Variants in XPOT observed in about 807,000 individuals in gnomAD.
XPOT encodes the protein exportin-T.
In XPOT, 34 loss-of-function variants were observed where a neutral mutation model predicts 128.2. The observed-to-expected ratio is 0.27, with a 90% confidence interval of 0.20 to 0.35. XPOT has a LOEUF of 0.35. XPOT is among the 10% of genes least tolerant of loss of function. The pLI is 1.00. For synonymous variants in XPOT, 348 were observed against 394.3 expected (o/e 0.88, Z 1.39); for missense variants, 838 against 1,125.3 (o/e 0.74, Z 3.65).
Position 64,445,147 on chromosome 12 carries a change from G to T in XPOT, c.2862+16G>T. 6.3e-7 allele frequency: 1 copy of T among 1,587,762 alleles called. No homozygotes were observed. Among genetic ancestry groups the T allele is most frequent in the Non-Finnish European group, 8.6e-7 (1 of 1,160,998 alleles). ...TTACTTAAAGGTAGGTATTTGTGAA[G>T]CTCACGTATCTTCATACAATTAGGT... On this transcript the variant is annotated intron_variant, in intron 24 of 24. Transcript: ENST00000332707.
chr12:64,425,396 A>G lies in XPOT; in HGVS notation c.1511A>G (p.Glu504Gly). Residue 504 changes from glutamate (E) to glycine (G), a missense_variant, in exon 14 of 25, where the codon GAA becomes GGA. Glu to Gly is a moderately conservative substitution (Grantham distance 98, BLOSUM62 -2). Around this residue, in one of 3 missense-constraint regions of XPOT, gnomAD observed 761 missense variants for 988.3 expected, o/e 0.77. Coordinates refer to ENST00000332707, the MANE Select transcript of XPOT (RefSeq NM_007235.6). ...QHTSVTLEFF[E>G]TVVRYEKFFT... is the part of the protein sequence containing the mutation. ...ACATCTGTGACATTGGAGTTCTTCG[A>G]AACTGTTGTTAGATATGAAAAGTTT... The G allele has an allele frequency of 3.7e-6, 6 of 1,613,736 alleles. No homozygotes were observed. Among genetic ancestry groups the G allele is most frequent in the Non-Finnish European group, 5.1e-6 (6 of 1,179,986 alleles).
chr12:64,422,312 T>C (rs2040145711), intron 9 of XPOT, among the ~76,000 whole-genome samples: 1 of 152,232 alleles, frequency 6.6e-6, no homozygotes, highest in Admixed American at 6.5e-5. Context: ...TTAGTTTCTG[T>C]TTTATTGTAG....
chr12:64,438,697 G>A lies in XPOT; in HGVS notation c.2734-547G>A, dbSNP rs576617108. Among the ~76,000 whole-genome samples, 27 of 150,870 alleles carry A rather than the reference G, an allele frequency of 1.8e-4. No individual in the cohort carries two copies. The East Asian group carries it at 2.3e-3, about 13-fold the overall frequency. On this transcript the variant is annotated intron_variant, in intron 22 of 24. Coordinates refer to ENST00000332707, the MANE Select transcript of XPOT (RefSeq NM_007235.6). ...GGCTGGAGTGCACTGGCATAATCTC[G>A]GCTCACTGCAGCCTGCGCCTGCCAG...
chr12:64,441,148 T>C (rs768268233), intron 23 of XPOT, among the ~76,000 whole-genome samples: 2 of 152,238 alleles, frequency 1.3e-5, no homozygotes, highest in African/African-American at 2.4e-5. Context: ...CACGTAGATA[T>C]CCAGTTTTAC....
chr12:64,407,073 TG>T, intron 1 of XPOT, among the ~76,000 whole-genome samples: 1 of 152,310 alleles, frequency 6.6e-6, no homozygotes, highest in South Asian at 2.1e-4. Flanking sequence ...GTTGTCCAAG[TG>T]GCCCCAATTA....
intron 23 of XPOT, among the ~76,000 whole-genome samples, chr12:64,440,843 A>G (rs1344349706): frequency 6.6e-6 from 1 of 152,140 alleles, no homozygotes; most frequent in Non-Finnish European, 1.5e-5. Context: ...TATATGTTAG[A>G]AATTAACCCC....
At chr12:64,436,347 C>T (rs2040282000) in intron 22 of XPOT, among the ~76,000 whole-genome samples, 1 of 152,106 alleles carries the variant, frequency 6.6e-6, no homozygotes, top group Admixed American at 6.5e-5. Context: ...CCTCCACCTC[C>T]TGGAGTCTCA....
In XPOT at chr12:64,434,814, G is replaced by A. The variant is rs542273580; in HGVS notation, c.2590G>A (p.Gly864Arg). 2.8e-5 allele frequency: 45 copies of A among 1,612,040 alleles called. 3 individuals carry two copies. The South Asian group carries it at 4.7e-4, about 17-fold the overall frequency. The change falls in exon 21 of 25, where the codon GGA (glycine) becomes AGA (arginine). Residue 864 changes from glycine (G) to arginine (R), a missense_variant. By Grantham distance (125) the Gly-to-Arg change is moderately radical. Coordinates refer to ENST00000332707, the MANE Select transcript of XPOT (RefSeq NM_007235.6). ...GACAGGAGGTAAAGATGGACCAGTG[G>A]GATTTGCTGATTTTGTTTATAAGCA... is the stretch of plus-strand genomic sequence containing the variant. ...ELWGGKDGPVGFADFVYKHIV... is the reference protein window; with the variant it reads ...ELWGGKDGPVRFADFVYKHIV...
Position 64,430,113 on chromosome 12 carries a change from T to C in XPOT, c.1802T>C (p.Val601Ala). ...DQLFIYETAG[V>A]LIVNSEYPAE... ...CTTTTTATTTATGAGACAGCTGGAGTGCTGATTGTTAATAGTGAATATCCG... is the reference window on the plus strand; with the variant it reads ...CTTTTTATTTATGAGACAGCTGGAGCGCTGATTGTTAATAGTGAATATCCG... The change falls in exon 17 of 25, where the codon GTG becomes GCG. Residue 601 changes from valine to alanine, a missense_variant. Val to Ala is a moderately conservative substitution (Grantham distance 64). Coordinates refer to ENST00000332707, the MANE Select transcript of XPOT (RefSeq NM_007235.6). The C allele has an allele frequency of 6.2e-7, 1 of 1,613,416 alleles. No individual in the cohort carries two copies. The highest frequency in any genetic ancestry group is 8.5e-7 in the Non-Finnish European group (1 of 1,179,672).
In XPOT at chr12:64,430,033, CTG is replaced by C. The variant is rs771547944; in HGVS notation, c.1738-15_1738-14del. 15 of 1,550,466 alleles carry C rather than the reference CTG, an allele frequency of 9.7e-6. No homozygotes were observed. The highest frequency in any genetic ancestry group is 1.3e-5 in the Non-Finnish European group (15 of 1,153,262). ...TCAAAAAATAAAAGCTTTAATAAGA[CTG>C]AATTTCATTCTAGGAGAATGGCCAC... On this transcript the variant is annotated splice_polypyrimidine_tract_variant and intron_variant, in intron 16 of 24. Transcript: ENST00000332707.
chr12:64,441,548 C>A (rs554549942), intron 23 of XPOT, among the ~76,000 whole-genome samples: 7 of 152,062 alleles, frequency 4.6e-5, no homozygotes, highest in Non-Finnish European at 8.8e-5. Flanking sequence ...TTTTGTGATT[C>A]CATGTAAATT....
chr12:64,416,985 G>C (rs550873325), intron 4 of XPOT, among the ~76,000 whole-genome samples: 1 of 152,024 alleles, frequency 6.6e-6, no homozygotes, highest in Non-Finnish European at 1.5e-5. Context: ...GGCTGAGGCC[G>C]GTAGATCACT....
At chr12:64,424,102 C>A (rs139568534) in intron 11 of XPOT, among the ~76,000 whole-genome samples, 2 of 152,114 alleles carry the variant, frequency 1.3e-5, no homozygotes, top group African/African-American at 4.8e-5. Flanking sequence ...CAACACACTG[C>A]GCACCTGGGA....
At chr12:64,426,316 AAAAG>A (rs1270010293) in intron 15 of XPOT, among the ~76,000 whole-genome samples, 1 of 150,682 alleles carries the variant, frequency 6.6e-6, no homozygotes. Flanking sequence ...AAAAAAAAGA[AAAAG>A]AAAATGTAGT....
At chr12:64,439,814 A>G (rs1224644613) in intron 23 of XPOT, among the ~76,000 whole-genome samples, 1 of 152,184 alleles carries the variant, frequency 6.6e-6, no homozygotes, top group Non-Finnish European at 1.5e-5. Context: ...CATTTGTATA[A>G]TATTGTTTCT....
intron 21 of XPOT, among the ~76,000 whole-genome samples, chr12:64,435,258 A>G (rs1229800711): frequency 6.6e-6 from 1 of 152,186 alleles, no homozygotes; most frequent in Admixed American, 6.5e-5. Flanking sequence ...TTCCCTAATC[A>G]TTAAGAGCAT....
At chr12:64,432,041 A>C (rs932130840) in intron 18 of XPOT, among the ~76,000 whole-genome samples, 2 of 152,166 alleles carry the variant, frequency 1.3e-5, no homozygotes, top group African/African-American at 4.8e-5. Context: ...AACAGACCCT[A>C]ACCGCTTTGT....
chr12:64,433,310 C>A, intron 18 of XPOT, 104 bp from the exon 19 acceptor site: 1 of 1,046,738 alleles, frequency 9.6e-7, no homozygotes, highest in Non-Finnish European at 1.4e-6. Flanking sequence ...ATTATGTACG[C>A]ATGCATCCTA....
intron 18 of XPOT, among the ~76,000 whole-genome samples, chr12:64,432,557 T>C (rs1198901272): frequency 6.6e-6 from 1 of 152,184 alleles, no homozygotes; most frequent in Admixed American, 6.6e-5. Flanking sequence ...GTACTTTCTA[T>C]GTTCAAAATC....
Sources: gnomAD v4.1 joint callset for allele counts (sites outside exome capture counted in the v4.1 genomes callset) on GRCh38, gnomAD v4.1.1 for gene constraint, gnomAD v4.1.1 regional missense constraint, MANE v1.5 for transcripts, NCBI Gene and HGNC (gene_info 2026-07-23, HGNC 2026-07-21) for gene names.